PTPRS: variants seen among roughly 807,000 people sequenced by gnomAD.
The protein encoded by PTPRS is receptor-type tyrosine-protein phosphatase S.
PTPRS carries 63 observed loss-of-function variants against 215.3 expected under a neutral mutation model. That is an observed-to-expected ratio of 0.29 (90% CI 0.24 to 0.36). The LOEUF (loss-of-function observed/expected upper bound fraction) is 0.36. PTPRS is among the 10% of genes least tolerant of loss of function. The pLI is 1.00. For synonymous variants in PTPRS, 1,404 were observed against 1,191.4 expected, an observed-to-expected ratio of 1.18 and a Z score of -3.68; for missense variants, 2,258 against 2,825.8, an observed-to-expected ratio of 0.80 and a Z score of 4.56.
At chr19:5,255,867 C>T (rs150787354) in intron 9 of PTPRS, among the ~76,000 whole-genome samples, 1,726 of 152,296 alleles carry the variant, frequency 0.011, 17 homozygotes, top group Middle Eastern at 0.027. Context: ...GGGCTGGGCG[C>T]GGCTGAGATT....
intron 9 of PTPRS, among the ~76,000 whole-genome samples, chr19:5,252,065 C>T (rs960410298): frequency 6.6e-6 from 1 of 152,098 alleles, no homozygotes; most frequent in Admixed American, 6.6e-5. Context: ...CAATTTTTCC[C>T]CATAAATTTG....
chr19:5,266,736 C>A (rs2046429601), intron 4 of PTPRS, among the ~76,000 whole-genome samples: 1 of 152,148 alleles, frequency 6.6e-6, no homozygotes, highest in Non-Finnish European at 1.5e-5. Context: ...TCAGAAGGAA[C>A]CCTGCCTGCT....
chr19:5,259,273 A>G (rs181346334), intron 7 of PTPRS, among the ~76,000 whole-genome samples: 1 of 152,352 alleles, frequency 6.6e-6, no homozygotes, highest in Non-Finnish European at 1.5e-5. Flanking sequence ...TACATTTGAA[A>G]TCACAGACCC....
At chr19:5,301,980 C>A (rs1215782298) in intron 1 of PTPRS, among the ~76,000 whole-genome samples, 7 of 152,096 alleles carry the variant, frequency 4.6e-5, no homozygotes, top group Non-Finnish European at 1.0e-4. Context: ...GGGGTTTCAC[C>A]ATGTTGGCAA....
At chr19:5,243,509 TCA>T (rs1248642998) in intron 11 of PTPRS, among the ~76,000 whole-genome samples, 1 of 151,898 alleles carries the variant, frequency 6.6e-6, no homozygotes, top group East Asian at 1.9e-4. Context: ...AGGTGGAGTC[TCA>T]CTCTCTCGCC....
At chr19:5,271,332 G>GT (rs1330396747) in intron 4 of PTPRS, among the ~76,000 whole-genome samples, 2 of 151,924 alleles carry the variant, frequency 1.3e-5, no homozygotes, top group Admixed American at 6.6e-5. Flanking sequence ...CTTGCTCCCT[G>GT]TATCACTCAC....
intron 1 of PTPRS, among the ~76,000 whole-genome samples, chr19:5,322,772 G>A (rs1460723240): frequency 2.0e-5 from 3 of 151,076 alleles, no homozygotes; most frequent in African/African-American, 4.9e-5. Flanking sequence ...CCAGCTATTC[G>A]AGAGGCTGAG....
At chr19:5,219,519 C>T (rs1372343707) in intron 22 of PTPRS, 52 bp from the exon 23 acceptor site, 1 of 1,501,980 alleles carries the variant, frequency 6.7e-7, no homozygotes. Context: ...CTTGTAGTGG[C>T]CAGATGGGTC....
chr19:5,279,291 T>C (rs949552896), intron 2 of PTPRS, among the ~76,000 whole-genome samples: 1 of 152,204 alleles, frequency 6.6e-6, no homozygotes, highest in Non-Finnish European at 1.5e-5. Context: ...GATTTCCACT[T>C]TGGTACCTTT....
At chr19:5,326,268 G>T (rs2050163723) in intron 1 of PTPRS, among the ~76,000 whole-genome samples, 1 of 151,852 alleles carries the variant, frequency 6.6e-6, no homozygotes, top group Non-Finnish European at 1.5e-5. Flanking sequence ...ACCAGCAAGG[G>T]GGTCATTCTG....
Position 5,231,614 on chromosome 19 carries a change from T to C in PTPRS, c.1851A>G (p.Lys617=). Reference sequence around the variant, plus strand: ...TAACGTCTTGAGGGGGGGCTGACGGTTCTATTGGAGGGGGGGAGAACGTGG... The same window carrying C: ...TAACGTCTTGAGGGGGGGCTGACGGCTCTATTGGAGGGGGGGAGAACGTGG... ...PVVRQRTLQS[K]PSAPPQDVKC... Residue 617 remains lysine (K), a splice_region_variant and synonymous_variant, in exon 14 of 38, where the codon AAA becomes AAG. Transcript: ENST00000262963. 1.1e-6 allele frequency: 1 copy of C among 910,750 alleles called. No individual in the cohort carries two copies. The allele number at this position is 910,750 out of a possible 1,614,324, so 56.4% of individuals were successfully genotyped here.
intron 37 of PTPRS, 102 bp from the exon 38 acceptor site, chr19:5,206,944 T>A: frequency 9.5e-7 from 1 of 1,050,080 alleles, no homozygotes; most frequent in Non-Finnish European, 1.5e-6. Context: ...GCCTTGTGCG[T>A]GTCTCTTGCA....
intron 1 of PTPRS, among the ~76,000 whole-genome samples, chr19:5,301,815 C>T (rs549158967): frequency 4.1e-4 from 63 of 152,194 alleles, no homozygotes; most frequent in African/African-American, 1.4e-3. Context: ...GAGTCTCACT[C>T]TGTCGCTCAG....
chr19:5,309,231 T>G (rs951698249), intron 1 of PTPRS, among the ~76,000 whole-genome samples: 2 of 152,158 alleles, frequency 1.3e-5, no homozygotes, highest in Non-Finnish European at 2.9e-5. Flanking sequence ...CCACGTGCTG[T>G]GTGGCCTTGG....
chr19:5,246,240 AT>A (rs1172177623), intron 9 of PTPRS, among the ~76,000 whole-genome samples, 195 bp from the exon 10 acceptor site: 7 of 152,264 alleles, frequency 4.6e-5, no homozygotes, highest in East Asian at 3.9e-4. Context: ...CCCTCTGTTG[AT>A]TTTTTTCCCC....
At chr19:5,221,920 C>A (rs1390184285) in intron 19 of PTPRS, among the ~76,000 whole-genome samples, 2 of 152,194 alleles carry the variant, frequency 1.3e-5, no homozygotes, top group Non-Finnish European at 2.9e-5. Context: ...TTGACTGAAC[C>A]TCAGTTCCAG....
intron 2 of PTPRS, among the ~76,000 whole-genome samples, chr19:5,278,562 C>T (rs887908701): frequency 6.6e-5 from 10 of 152,116 alleles, no homozygotes; most frequent in African/African-American, 1.7e-4. Flanking sequence ...CTGCAACCTC[C>T]GCCTCCTGGG....
chr19:5,216,290 C>G (rs2041443739), intron 26 of PTPRS, among the ~76,000 whole-genome samples: 1 of 152,088 alleles, frequency 6.6e-6, no homozygotes, highest in African/African-American at 2.4e-5. Context: ...TTCCCGATAT[C>G]TGGGTCTGCA....
chr19:5,239,853 AACAG>A (rs953011801), intron 12 of PTPRS, among the ~76,000 whole-genome samples: 4 of 151,948 alleles, frequency 2.6e-5, no homozygotes, highest in African/African-American at 4.8e-5. Flanking sequence ...CAGAGACATA[AACAG>A]ACAGAAACAG....
Sources: allele counts gnomAD v4.1 joint callset (sites outside exome capture counted in the v4.1 genomes callset), GRCh38; gene constraint gnomAD v4.1.1; transcripts MANE v1.5; gene names NCBI Gene and HGNC (gene_info 2026-07-23, HGNC 2026-07-21).